Variants in GLT1D1 observed in about 807,000 individuals in gnomAD.
GLT1D1 encodes the protein glycosyltransferase 1 domain containing 1.
Under a neutral mutation model 28.7 loss-of-function variants are expected in GLT1D1, and 21 were observed. That is an observed-to-expected ratio of 0.73 (90% CI 0.52 to 1.05). The LOEUF (loss-of-function observed/expected upper bound fraction) is 1.05. Among genes scored for constraint, GLT1D1 ranks in the 50% least tolerant of loss-of-function variants. GLT1D1 has a pLI of 0.00. For missense variants in GLT1D1, 343 were observed against 330.6 expected, an observed-to-expected ratio of 1.04 and a Z score of -0.29; for synonymous variants, 147 against 124.8, an observed-to-expected ratio of 1.18 and a Z score of -1.19.
Position 128,896,575 on chromosome 12 carries a change from CTT to C in GLT1D1, c.324-2639_324-2638del, listed in dbSNP as rs60875245. Among the ~76,000 whole-genome samples, 171 of 105,080 alleles carry C rather than the reference CTT, an allele frequency of 1.6e-3. 1 individual carries two copies. The highest frequency in any genetic ancestry group is 5.4e-3 in the African/African-American group (146 of 26,880). The allele number at this position is 105,080 out of a possible 152,430, so 68.9% of individuals were successfully genotyped here. On this transcript the variant is annotated intron_variant, in intron 3 of 7. Coordinates refer to ENST00000281703, the MANE Select transcript of GLT1D1 (RefSeq NM_144669.3). ...GAAAATTTGGGCTGAATGACACATACTTTTTTTTTTTTTTTTTTTTTTTGAGA... is the reference window on the plus strand; with the variant it reads ...GAAAATTTGGGCTGAATGACACATACTTTTTTTTTTTTTTTTTTTTTGAGA...
chr12:128,980,211 G>A (rs924288034), intron 7 of GLT1D1, among the ~76,000 whole-genome samples: 3 of 152,178 alleles, frequency 2.0e-5, no homozygotes, highest in Admixed American at 6.5e-5. Context: ...CCACACTCAC[G>A]TCACAGGTGG....
rs1191214544 is a variant in GLT1D1, at chr12:128,876,015, AGGCTGCCCT to A, written c.175_183del (p.Ala59_Ala61del). 6.2e-7 allele frequency: 1 copy of A among 1,613,812 alleles called. No individual in the cohort carries two copies. Among genetic ancestry groups the A allele is most frequent in the Non-Finnish European group, 8.5e-7 (1 of 1,179,850 alleles). On this transcript the variant is annotated inframe_deletion, in exon 2 of 8. Transcript: ENST00000281703. ...AACCTCATCTTGGCTGAGAACTGCGAGGCTGCCCTGGCTCTTCATCTCTATAGGGGAGGC... is the reference window on the plus strand; with the variant it reads ...AACCTCATCTTGGCTGAGAACTGCGAGGCTCTTCATCTCTATAGGGGAGGC...
chr12:128,974,115 G>A (rs1187088776), intron 7 of GLT1D1, among the ~76,000 whole-genome samples: 1 of 152,084 alleles, frequency 6.6e-6, no homozygotes, highest in African/African-American at 2.4e-5. Flanking sequence ...CGTGTGGAGG[G>A]GGAGAGGGCG....
intron 2 of GLT1D1, among the ~76,000 whole-genome samples, chr12:128,884,421 G>A (rs746461496): frequency 2.6e-5 from 4 of 152,182 alleles, no homozygotes; most frequent in Non-Finnish European, 5.9e-5. Flanking sequence ...GGGAAACGTT[G>A]GTCAAAAAGC....
chr12:128,922,997 T>C (rs1032073770), intron 4 of GLT1D1, among the ~76,000 whole-genome samples: 2 of 150,626 alleles, frequency 1.3e-5, no homozygotes, highest in Non-Finnish European at 2.9e-5. Context: ...AAATTGACAA[T>C]GCAGATTGTC....
chr12:128,904,623 C>CTTTTTTTTTTT lies in GLT1D1; in HGVS notation c.375+5354_375+5364dup, dbSNP rs59189244. Among the ~76,000 whole-genome samples, 3 of 139,286 alleles carry CTTTTTTTTTTT rather than the reference C, an allele frequency of 2.2e-5. 1 individual carries two copies. The highest frequency in any genetic ancestry group is 6.1e-5 in the African/African-American group (2 of 32,754). 91.4% of individuals were successfully genotyped at this position (139,286 alleles called of 152,430 possible). On this transcript the variant is annotated intron_variant, in intron 4 of 7. Coordinates refer to ENST00000281703, the MANE Select transcript of GLT1D1 (RefSeq NM_144669.3). ...GTGATGGTTAAAGCATGAAAACAGT[C>CTTTTTTTTTTT]TTTTTTTTTTTTTTTTTTTTTTTTT...
rs71072431 is a variant in GLT1D1 at position 128,958,748 on chromosome 12, CAAAAAAAAAA to C, written c.639+1125_639+1134del. ...TAGGCAACAGAGTGGGACTCTGCCT[CAAAAAAAAAA>C]AAAAAAAAAAAAAAAAAAAGGAAGG... On this transcript the variant is annotated intron_variant, in intron 7 of 7. Coordinates refer to ENST00000281703, the MANE Select transcript of GLT1D1 (RefSeq NM_144669.3). Among the ~76,000 whole-genome samples, 3 of 42,654 alleles carry C rather than the reference CAAAAAAAAAA, an allele frequency of 7.0e-5. No homozygotes were observed. In the South Asian group the frequency reaches 2.8e-3, roughly 40 times the overall value. 28.0% of individuals were successfully genotyped at this position (42,654 alleles called of 152,430 possible). A position where few individuals can be genotyped will look rare whatever the true frequency, so the allele number is the denominator to read the frequency against.
At position 128,983,090 on chromosome 12, in the gene GLT1D1, A is replaced by T. The variant is rs1235242032; in HGVS notation, c.801A>T (p.Ter267CysextTer41). 1 of 1,612,804 alleles carries T rather than the reference A, an allele frequency of 6.2e-7. No homozygotes were observed. Among genetic ancestry groups the T allele is most frequent in the Non-Finnish European group, 8.5e-7 (1 of 1,179,354 alleles). ...AGCTGGAAGGAAGCACTGAAGATTG[A>T]GGGCCCCGCCTCATCAGACACCTGC... The change falls in exon 8 of 8, where the codon TGA becomes TGT. Residue 267 changes from the stop codon to cysteine, a stop_lost. Transcript: ENST00000281703. This position sits in a 1 kb window ranked among gnomAD's most constrained non-coding sequence, Gnocchi z 4.7.
chr12:128,928,011 A>AAAC (rs1566141056), intron 4 of GLT1D1, among the ~76,000 whole-genome samples: 2 of 149,490 alleles, frequency 1.3e-5, no homozygotes, highest in Admixed American at 6.6e-5. Context: ...AAAAAAAAAA[A>AAAC]AAAAAAAAAA....
At chr12:128,954,774 A>G (rs1047583490) in intron 6 of GLT1D1, among the ~76,000 whole-genome samples, 3 of 152,070 alleles carry the variant, frequency 2.0e-5, no homozygotes, top group Non-Finnish European at 4.4e-5. Flanking sequence ...ACATAGCAAG[A>G]CCCCATTGCT....
chr12:128,894,528 ATTAT>A (rs1391043860), intron 3 of GLT1D1, among the ~76,000 whole-genome samples: 4 of 151,828 alleles, frequency 2.6e-5, no homozygotes, highest in African/African-American at 9.7e-5. Context: ...TACTTATTTG[ATTAT>A]TTATTTGTTA....
At chr12:128,882,198 T>C (rs1957075274) in intron 2 of GLT1D1, among the ~76,000 whole-genome samples, 1 of 151,924 alleles carries the variant, frequency 6.6e-6, no homozygotes, top group Non-Finnish European at 1.5e-5. Flanking sequence ...AATAGCTAAG[T>C]AGAATATGCA....
chr12:128,941,401 T>C (rs560246201), intron 4 of GLT1D1, among the ~76,000 whole-genome samples: 4 of 152,226 alleles, frequency 2.6e-5, no homozygotes, highest in African/African-American at 9.6e-5. Flanking sequence ...CACTGCAATA[T>C]TGGGTGGTTG....
intron 7 of GLT1D1, among the ~76,000 whole-genome samples, chr12:128,976,195 A>AT (rs1325740144): frequency 3.3e-5 from 5 of 152,164 alleles, no homozygotes; most frequent in Admixed American, 3.3e-4. Flanking sequence ...TGACCAAATA[A>AT]TTTTTGGAAA....
intron 1 of GLT1D1, among the ~76,000 whole-genome samples, chr12:128,863,026 A>C (rs980642296): frequency 6.6e-6 from 1 of 152,136 alleles, no homozygotes; most frequent in African/African-American, 2.4e-5. Context: ...CTGAGGGTTC[A>C]CTGAAAACCA....
intron 4 of GLT1D1, 145 bp downstream of exon 8, chr12:128,927,299 C>T (rs1018719586): frequency 1.9e-5 from 12 of 619,088 alleles, no homozygotes; most frequent in Admixed American, 5.2e-5. Flanking sequence ...AGTGCAGTGG[C>T]GTGATCTCGG....
At chr12:128,862,129 G>A (rs1956395681) in intron 1 of GLT1D1, among the ~76,000 whole-genome samples, 1 of 151,980 alleles carries the variant, frequency 6.6e-6, no homozygotes, top group East Asian at 1.9e-4. Context: ...AGGAGTTTGA[G>A]ACCAGCCTGG....
intron 1 of GLT1D1, among the ~76,000 whole-genome samples, chr12:128,871,922 T>G: frequency 6.6e-6 from 1 of 151,400 alleles, no homozygotes; most frequent in East Asian, 1.9e-4. Context: ...TTTTCAAGGG[T>G]AATTTTTTTT....
chr12:128,942,544 A>G (rs1323627140), intron 4 of GLT1D1, among the ~76,000 whole-genome samples: 2 of 152,152 alleles, frequency 1.3e-5, no homozygotes, highest in Non-Finnish European at 1.5e-5. Context: ...TTTAAAGGCA[A>G]TTAATAACAG....
Sources: gnomAD v4.1 joint callset for allele counts (sites outside exome capture counted in the v4.1 genomes callset) on GRCh38, gnomAD v4.1.1 for gene constraint, Gnocchi (gnomAD v3.1) non-coding constraint, MANE v1.5 for transcripts, NCBI Gene and HGNC (gene_info 2026-07-23, HGNC 2026-07-21) for gene names.